Variants in CD48 observed in about 807,000 individuals in gnomAD.
The protein encoded by CD48 is CD48 molecule, also known as CD48 antigen.
CD48 carries 20 observed loss-of-function variants against 22.0 expected under a neutral mutation model. The observed-to-expected ratio is 0.91, with a 90% CI of 0.64 to 1.32. The LOEUF (loss-of-function observed/expected upper bound fraction) is 1.32, where lower values mean the gene tolerates loss of function less well. CD48 is among the 40% of genes most tolerant of loss of function. The pLI, the probability that CD48 is intolerant of heterozygous loss-of-function variation, is 0.00. For synonymous variants in CD48, 110 were observed against 110.1 expected, an observed-to-expected ratio of 1.00 and a Z score of 0.01; for missense variants, 307 against 286.5, an observed-to-expected ratio of 1.07 and a Z score of -0.52.
chr1:160,706,552 C>T lies in CD48; in HGVS notation c.82+5130G>A, dbSNP rs767445917. Among the ~76,000 whole-genome samples the T allele has an allele frequency of 1.2e-3, 186 of 152,144 alleles. 1 individual carries two copies. The highest frequency in any genetic ancestry group is 2.2e-3 in the Non-Finnish European group (147 of 67,988). ...TGCTGATAAAATCTTGATTTGCCTT[C>T]TTAACAATTCCACTTTTTAGGAAGT... On this transcript the variant is annotated intron_variant, in intron 1 of 3. Transcript: ENST00000368046.
chr1:160,691,315 G>T (rs1662209085), intron 1 of CD48, among the ~76,000 whole-genome samples: 1 of 152,300 alleles, frequency 6.6e-6, no homozygotes, highest in Non-Finnish European at 1.5e-5. Context: ...GAATGTCTCG[G>T]TATAAAACCC....
At chr1:160,681,112 A>T in intron 3 of CD48, 90 bp downstream of exon 3, 1 of 1,599,602 alleles carries the variant, frequency 6.3e-7, no homozygotes, top group Non-Finnish European at 8.5e-7. Context: ...CACACTGTGC[A>T]AGGAGGCTGA....
At chr1:160,703,097 A>T (rs2102435001) in intron 1 of CD48, among the ~76,000 whole-genome samples, 1 of 152,284 alleles carries the variant, frequency 6.6e-6, no homozygotes, top group Non-Finnish European at 1.5e-5. Context: ...ACTGGGCATA[A>T]GCATCAGAGA....
intron 1 of CD48, among the ~76,000 whole-genome samples, chr1:160,701,848 T>G (rs532174956): frequency 1.3e-5 from 2 of 152,244 alleles, no homozygotes; most frequent in African/African-American, 4.8e-5. Flanking sequence ...CTAGAGGAAA[T>G]AACAGAAACT....
At chr1:160,687,105 G>A (rs146809673) in intron 1 of CD48, among the ~76,000 whole-genome samples, 1,825 of 152,194 alleles carry the variant, frequency 0.012, 30 homozygotes, top group African/African-American at 0.041. Flanking sequence ...CTCCAGGCGC[G>A]TATTCTCTTT....
At chr1:160,702,548 T>C (rs1662667403) in intron 1 of CD48, among the ~76,000 whole-genome samples, 1 of 152,170 alleles carries the variant, frequency 6.6e-6, no homozygotes, top group African/African-American at 2.4e-5. Flanking sequence ...GCCCAATGTT[T>C]ACCTTTGCGA....
Position 160,685,092 on chromosome 1 carries a change from A to G in CD48, c.180T>C (p.Tyr60=), listed in dbSNP as rs779789658. 2 of 1,614,198 alleles carry G rather than the reference A, an allele frequency of 1.2e-6. No homozygotes were observed. Among genetic ancestry groups the G allele is most frequent in the Admixed American group, 1.7e-5 (1 of 60,026 alleles). The change falls in exon 2 of 4, where the codon TAT becomes TAC. Residue 60 remains tyrosine (Y), a synonymous_variant. Transcript: ENST00000368046. ...PENYKQLTWF[Y]TFDQKIVEWD... ...ATTCTACAATCTTCTGGTCGAAAGT[A>G]TAAAACCAGGTTAGTTGTTTGTAGT...
chr1:160,684,789 C>T (rs759363215), intron 2 of CD48, 98 bp downstream of exon 2: 1 of 1,613,052 alleles, frequency 6.2e-7, no homozygotes, highest in Admixed American at 1.7e-5. Context: ...TTTTTCTCTC[C>T]TCCTCCCCGA....
At chr1:160,697,830 C>G (rs1248013798) in intron 1 of CD48, among the ~76,000 whole-genome samples, 1 of 152,094 alleles carries the variant, frequency 6.6e-6, no homozygotes. Context: ...TCAGGACAAA[C>G]TCAGTCGTGT....
chr1:160,683,451 A>G lies in CD48; in HGVS notation c.385+1436T>C, dbSNP rs139644120. The G allele has an allele frequency of 4.9e-3, 750 of 151,948 alleles. 8 individuals carry two copies. Among genetic ancestry groups the G allele is most frequent in the African/African-American group, 0.017 (725 of 41,446 alleles). The allele number at this position is 151,948 out of a possible 1,614,324, so 9.4% of individuals were successfully genotyped here. A position where few individuals can be genotyped will look rare whatever the true frequency, so the allele number is the denominator to read the frequency against. On this transcript the variant is annotated intron_variant, in intron 2 of 3. Coordinates refer to ENST00000368046, the MANE Select transcript of CD48 (RefSeq NM_001778.4). ...TTTTTGTGAAACCATTAGTTTATTG[A>G]AATCAACTGTGGTAGCAGTATTTAA...
intron 3 of CD48, 38 bp from the exon 4 acceptor site, chr1:160,679,169 T>G: frequency 6.6e-7 from 1 of 1,517,862 alleles, no homozygotes. Context: ...TTAGGTATCT[T>G]TATCTTGACT....
chr1:160,706,880 G>A (rs1307974799), intron 1 of CD48, among the ~76,000 whole-genome samples: 2 of 152,166 alleles, frequency 1.3e-5, no homozygotes, highest in Non-Finnish European at 2.9e-5. Flanking sequence ...TAAAGAGTAA[G>A]TTCCGGTTAC....
intron 1 of CD48, among the ~76,000 whole-genome samples, chr1:160,693,867 C>A (rs551092205): frequency 8.3e-4 from 127 of 152,408 alleles, no homozygotes; most frequent in Middle Eastern, 6.8e-3. Context: ...GGGACAACAA[C>A]CCCCACTGTC....
intron 1 of CD48, among the ~76,000 whole-genome samples, chr1:160,710,109 C>G (rs1270565260): frequency 6.6e-6 from 1 of 152,120 alleles, no homozygotes; most frequent in East Asian, 1.9e-4. Flanking sequence ...TTAAGGCAAA[C>G]AGTAAAATTA....
At chr1:160,693,102 G>A (rs1231715614) in intron 1 of CD48, among the ~76,000 whole-genome samples, 2 of 152,272 alleles carry the variant, frequency 1.3e-5, no homozygotes, top group African/African-American at 4.8e-5. Flanking sequence ...AGCACTATTA[G>A]TCAACAAGCA....
intron 1 of CD48, among the ~76,000 whole-genome samples, chr1:160,700,041 G>A (rs984419422): frequency 6.6e-6 from 1 of 152,140 alleles, no homozygotes; most frequent in African/African-American, 2.4e-5. Flanking sequence ...AAGGTTTGGG[G>A]AAATCCTGTA....
At chr1:160,690,083 G>T (rs1662152468) in intron 1 of CD48, among the ~76,000 whole-genome samples, 1 of 152,084 alleles carries the variant, frequency 6.6e-6, no homozygotes, top group Non-Finnish European at 1.5e-5. Context: ...AAGTGCGATT[G>T]GCCTGTTCCA....
intron 1 of CD48, among the ~76,000 whole-genome samples, chr1:160,688,200 T>A (rs913781005): frequency 3.9e-5 from 6 of 152,244 alleles, no homozygotes; most frequent in African/African-American, 1.2e-4. Context: ...TTTGAATAGA[T>A]TGATGTAATG....
At chr1:160,702,878 CAT>C (rs756225683) in intron 1 of CD48, among the ~76,000 whole-genome samples, 4 of 152,172 alleles carry the variant, frequency 2.6e-5, no homozygotes, top group Admixed American at 6.5e-5. Flanking sequence ...CAAAAGCTAA[CAT>C]ATAAAGGAGA....
Sources: allele counts gnomAD v4.1 joint callset (sites outside exome capture counted in the v4.1 genomes callset), GRCh38; gene constraint gnomAD v4.1.1; transcripts MANE v1.5; gene names NCBI Gene and HGNC (gene_info 2026-07-23, HGNC 2026-07-21).